RSRC1: variants seen among roughly 807,000 people sequenced by gnomAD.
RSRC1 encodes the protein arginine and serine rich coiled-coil 1.
In RSRC1, 39 loss-of-function variants were observed where a neutral mutation model predicts 49.1. The observed-to-expected ratio is 0.79, with a 90% CI of 0.61 to 1.04. The LOEUF (loss-of-function observed/expected upper bound fraction) is 1.04. Ranked by LOEUF, RSRC1 falls within the 50% of genes least tolerant of loss-of-function variation. The pLI is 0.00. For missense variants in RSRC1, 388 were observed against 402.4 expected, an observed-to-expected ratio of 0.96 and a Z score of 0.31; for synonymous variants, 143 against 130.8, an observed-to-expected ratio of 1.09 and a Z score of -0.63.
intron 6 of RSRC1, among the ~76,000 whole-genome samples, chr3:158,396,674 A>C (rs1733629642): frequency 6.6e-6 from 1 of 152,102 alleles, no homozygotes; most frequent in African/African-American, 2.4e-5. Context: ...CCGTGGTATG[A>C]GTAGGATAGT....
At chr3:158,363,451 G>A (rs1461348670) in intron 6 of RSRC1, among the ~76,000 whole-genome samples, 1 of 151,992 alleles carries the variant, frequency 6.6e-6, no homozygotes, top group African/African-American at 2.4e-5. Flanking sequence ...TTTTGGTGGA[G>A]ACGGGGTTTT....
intron 4 of RSRC1, among the ~76,000 whole-genome samples, chr3:158,237,339 T>C (rs1723301504): frequency 6.6e-6 from 1 of 152,220 alleles, no homozygotes; most frequent in Admixed American, 6.5e-5. Context: ...GTTTTCATTA[T>C]TTTTGAGTAA....
intron 7 of RSRC1, among the ~76,000 whole-genome samples, chr3:158,505,702 G>T (rs1237849410): frequency 6.6e-6 from 1 of 151,750 alleles, no homozygotes; most frequent in Non-Finnish European, 1.5e-5. Flanking sequence ...TTTCTAGTCA[G>T]ACTTACATAG....
At chr3:158,202,860 T>C (rs758648525) in intron 3 of RSRC1, among the ~76,000 whole-genome samples, 21 of 152,020 alleles carry the variant, frequency 1.4e-4, no homozygotes, top group Non-Finnish European at 2.6e-4. Flanking sequence ...TGCATCATAA[T>C]TTCCTATAAA....
At chr3:158,335,282 A>G (rs1202325100) in intron 5 of RSRC1, among the ~76,000 whole-genome samples, 1 of 152,176 alleles carries the variant, frequency 6.6e-6, no homozygotes, top group African/African-American at 2.4e-5. Context: ...CAGCATTTTT[A>G]TAACTAAGAA....
At chr3:158,468,823 AAC>A (rs1738001749) in intron 7 of RSRC1, among the ~76,000 whole-genome samples, 1 of 152,168 alleles carries the variant, frequency 6.6e-6, no homozygotes, top group African/African-American at 2.4e-5. Context: ...GAAAAAATTT[AAC>A]ACCTTTACAA....
At chr3:158,414,125 C>T (rs1355034097) in intron 6 of RSRC1, among the ~76,000 whole-genome samples, 1 of 152,144 alleles carries the variant, frequency 6.6e-6, no homozygotes, top group Non-Finnish European at 1.5e-5. Context: ...GCACTATTCA[C>T]TGTAGCAAAG....
At chr3:158,327,544 G>T (rs968432074) in intron 5 of RSRC1, among the ~76,000 whole-genome samples, 1 of 152,164 alleles carries the variant, frequency 6.6e-6, no homozygotes, top group African/African-American at 2.4e-5. Context: ...GAGCAGTTTT[G>T]AGTGAGTTTC....
intron 5 of RSRC1, among the ~76,000 whole-genome samples, chr3:158,353,942 T>C (rs147825986): frequency 3.1e-4 from 47 of 151,408 alleles, no homozygotes; most frequent in African/African-American, 1.1e-3. Flanking sequence ...TAATATGTTA[T>C]CCAAAAATCT....
At chr3:158,300,932 T>C (rs1727508177) in intron 5 of RSRC1, among the ~76,000 whole-genome samples, 1 of 152,158 alleles carries the variant, frequency 6.6e-6, no homozygotes, top group African/African-American at 2.4e-5. Context: ...TATAGTTATA[T>C]GTAACCCTGA....
At chr3:158,419,102 G>A (rs753915370) in intron 6 of RSRC1, among the ~76,000 whole-genome samples, 4 of 151,964 alleles carry the variant, frequency 2.6e-5, no homozygotes, top group Non-Finnish European at 5.9e-5. Context: ...TTAGTCACAT[G>A]AGTGTTATTA....
intron 6 of RSRC1, among the ~76,000 whole-genome samples, chr3:158,413,645 G>GAA (rs138249830): frequency 1.8e-4 from 27 of 149,154 alleles, no homozygotes; most frequent in African/African-American, 4.2e-4. Flanking sequence ...AATTACAAGA[G>GAA]AAAAAAAAAG....
intron 4 of RSRC1, among the ~76,000 whole-genome samples, chr3:158,264,054 T>C (rs913555098): frequency 3.3e-5 from 5 of 152,240 alleles, no homozygotes; most frequent in Middle Eastern, 6.8e-3. Context: ...CTTTGAACTG[T>C]TTTATTTTTC....
intron 4 of RSRC1, among the ~76,000 whole-genome samples, chr3:158,239,385 A>G (rs1205243772): frequency 1.3e-5 from 2 of 152,240 alleles, no homozygotes; most frequent in African/African-American, 4.8e-5. Flanking sequence ...ATTATAAATC[A>G]TGCTACTATA....
intron 6 of RSRC1, among the ~76,000 whole-genome samples, chr3:158,423,056 G>A (rs1735173394): frequency 1.3e-5 from 2 of 152,094 alleles, no homozygotes; most frequent in Admixed American, 1.3e-4. Flanking sequence ...AGTTTCCTTT[G>A]CTGTGCAGAA....
chr3:158,339,329 AC>A (rs1730103283), intron 5 of RSRC1, among the ~76,000 whole-genome samples: 1 of 150,426 alleles, frequency 6.6e-6, no homozygotes, highest in African/African-American at 2.4e-5. Context: ...AAAAAATGAT[AC>A]TAATATTTTT....
chr3:158,482,672 C>T (rs190663024), intron 7 of RSRC1, among the ~76,000 whole-genome samples: 196 of 152,116 alleles, frequency 1.3e-3, no homozygotes, highest in Admixed American at 2.8e-3. Flanking sequence ...TCACGTCATC[C>T]TCAACTATCA....
chr3:158,320,560 T>C (rs1270013970), intron 5 of RSRC1, among the ~76,000 whole-genome samples: 1 of 152,198 alleles, frequency 6.6e-6, no homozygotes, highest in African/African-American at 2.4e-5. Context: ...AGATTATAAA[T>C]TATCTTGGCC....
intron 4 of RSRC1, among the ~76,000 whole-genome samples, chr3:158,270,937 A>G (rs1210401911): frequency 6.6e-6 from 1 of 152,126 alleles, no homozygotes; most frequent in African/African-American, 2.4e-5. Context: ...AGGATAAATG[A>G]TTAGTCATAC....
Sources: allele counts gnomAD v4.1 joint callset (sites outside exome capture counted in the v4.1 genomes callset), GRCh38; gene constraint gnomAD v4.1.1; transcripts MANE v1.5; gene names NCBI Gene and HGNC (gene_info 2026-07-23, HGNC 2026-07-21).